Variants in FGF14 observed in about 807,000 individuals in gnomAD.
FGF14 encodes fibroblast growth factor homologous factor 4.
FGF14 carries 5 observed loss-of-function variants against 25.5 expected under a neutral mutation model. That is an observed-to-expected ratio of 0.20 (90% CI 0.10 to 0.41). The LOEUF (loss-of-function observed/expected upper bound fraction) is 0.41. Among genes scored for constraint, FGF14 ranks in the 10% least tolerant of loss-of-function variants. The pLI is 1.00. For synonymous variants in FGF14, 138 were observed against 118.3 expected (o/e 1.17, Z -1.08); for missense variants, 222 against 320.1 (o/e 0.69, Z 2.34).
intron 3 of FGF14, among the ~76,000 whole-genome samples, chr13:101,760,286 C>G (rs2037932296): frequency 6.6e-6 from 1 of 152,182 alleles, no homozygotes; most frequent in East Asian, 1.9e-4. Flanking sequence ...GGGGCTTACT[C>G]TACGTTCACT....
intron 3 of FGF14, among the ~76,000 whole-genome samples, chr13:101,788,895 TATATATATATATATAGAGAGAG>T (rs1302217083): frequency 1.8e-4 from 9 of 49,016 alleles, no homozygotes; most frequent in African/African-American, 4.8e-4. Flanking sequence ...TATATATATA[TATATATATATATATAGAGAGAG>T]AGAGAGAGAG....
intron 1 of FGF14, among the ~76,000 whole-genome samples, chr13:101,926,319 C>T (rs927473518): frequency 3.3e-5 from 5 of 152,150 alleles, no homozygotes; most frequent in African/African-American, 4.8e-5. Flanking sequence ...CGGTTTCCTA[C>T]CAACATAATT....
At chr13:101,929,487 G>C (rs534832478) in intron 1 of FGF14, among the ~76,000 whole-genome samples, 1 of 152,252 alleles carries the variant, frequency 6.6e-6, no homozygotes, top group African/African-American at 2.4e-5. Flanking sequence ...TATGTCACTG[G>C]GGACATTCAC....
chr13:101,933,838 C>A (rs1225068105), intron 1 of FGF14, among the ~76,000 whole-genome samples: 1 of 151,572 alleles, frequency 6.6e-6, no homozygotes, highest in African/African-American at 2.4e-5. Context: ...AAATATTACT[C>A]TAAATATTAT....
intron 3 of FGF14, among the ~76,000 whole-genome samples, chr13:101,788,999 T>C (rs965847042): frequency 6.8e-6 from 1 of 146,118 alleles, no homozygotes; most frequent in Non-Finnish European, 1.5e-5. Context: ...CTATACTCTG[T>C]ACATTTATTA....
chr13:101,826,264 C>A (rs2042389416), intron 3 of FGF14, among the ~76,000 whole-genome samples: 1 of 152,060 alleles, frequency 6.6e-6, no homozygotes, highest in Non-Finnish European at 1.5e-5. Flanking sequence ...CTCCCCCCGT[C>A]CCCGATACAC....
At position 101,916,745 on chromosome 13, in the gene FGF14, G is replaced by A. The variant is rs926820086; in HGVS notation, c.-100C>T. ...GCGGCGCAGACCGTGGCTCGCCCTC[G>A]GGGCAGAGGAGGGGGTGCCAGGCGG... is the stretch of plus-strand genomic sequence containing the variant. On this transcript the variant is annotated 5_prime_UTR_variant, in exon 1 of 5. Coordinates refer to ENST00000376143, the MANE Select transcript of FGF14 (RefSeq NM_004115.4). 2.8e-6 allele frequency: 3 copies of A among 1,083,552 alleles called. No individual in the cohort carries two copies. Among genetic ancestry groups the A allele is most frequent in the Non-Finnish European group, 3.8e-6 (3 of 780,770 alleles). The allele number at this position is 1,083,552 out of a possible 1,614,324, so 67.1% of individuals were successfully genotyped here.
At position 101,717,606 on chromosome 13, in the gene FGF14, C is replaced by G. The variant is rs1288578913; in HGVS notation, c.*5225G>C. On this transcript the variant is annotated 3_prime_UTR_variant, in exon 5 of 5. Coordinates refer to ENST00000376143, the MANE Select transcript of FGF14 (RefSeq NM_004115.4). ...ATTTCTCTATCACGGCGCTTATCCT[C>G]CTATTAAGGATCAGAAAGTTAAACT... is the stretch of plus-strand genomic sequence containing the variant. 6.6e-6 allele frequency: 1 copy of G among 152,126 alleles called. No individual in the cohort carries two copies. Among genetic ancestry groups the G allele is most frequent in the African/African-American group, 2.4e-5 (1 of 41,430 alleles). 9.4% of individuals were successfully genotyped at this position (152,126 alleles called of 1,614,324 possible). A position where few individuals can be genotyped will look rare whatever the true frequency, so the allele number is the denominator to read the frequency against.
At chr13:101,812,797 G>A (rs146809093) in intron 3 of FGF14, among the ~76,000 whole-genome samples, 7,772 of 149,696 alleles carry the variant, frequency 0.052, 311 homozygotes, top group East Asian at 0.16. Flanking sequence ...CTCCTGAGTA[G>A]CTGGGATTAC....
chr13:101,892,148 A>G (rs2029870012), intron 1 of FGF14, among the ~76,000 whole-genome samples: 1 of 152,170 alleles, frequency 6.6e-6, no homozygotes, highest in African/African-American at 2.4e-5. Context: ...ACACAACACA[A>G]TCCAAAGATG....
intron 1 of FGF14, among the ~76,000 whole-genome samples, chr13:102,109,515 T>C (rs2045108999): frequency 1.3e-5 from 2 of 152,214 alleles, no homozygotes; most frequent in African/African-American, 4.8e-5. Context: ...CCATGTTGTA[T>C]ACCATAAATA....
At chr13:101,847,584 T>G (rs1484567742) in intron 3 of FGF14, among the ~76,000 whole-genome samples, 2 of 152,096 alleles carry the variant, frequency 1.3e-5, no homozygotes, top group Admixed American at 1.3e-4. Flanking sequence ...ATTAGCCAAG[T>G]ATTGGGGTGA....
At chr13:101,979,483 A>G (rs2038121867) in intron 1 of FGF14, among the ~76,000 whole-genome samples, 1 of 152,152 alleles carries the variant, frequency 6.6e-6, no homozygotes, top group Non-Finnish European at 1.5e-5. Context: ...CAGAAGAGAA[A>G]ACCGAGGAAC....
intron 1 of FGF14, among the ~76,000 whole-genome samples, chr13:102,013,933 C>G (rs2040209616): frequency 6.6e-6 from 1 of 152,104 alleles, no homozygotes; most frequent in African/African-American, 2.4e-5. Context: ...ATAGAAAGAG[C>G]ACAAAGGAGG....
In FGF14 at chr13:101,721,339, T is replaced by TCAAA. The variant is rs565918763; in HGVS notation, c.*1488_*1491dup. On this transcript the variant is annotated 3_prime_UTR_variant, in exon 5 of 5. Transcript: ENST00000376143. ...TTCTTGGTAGTTGTCTTCCCTAAGC[T>TCAAA]CAAACAAACAGTGTTAAACTAAAAA... 1.2e-3 allele frequency: 176 copies of TCAAA among 152,014 alleles called. No individual in the cohort carries two copies. The highest frequency in any genetic ancestry group is 3.7e-3 in the African/African-American group (152 of 41,462). The allele number at this position is 152,014 out of a possible 1,614,324, so 9.4% of individuals were successfully genotyped here.
At chr13:101,796,099 T>C (rs769184343) in intron 3 of FGF14, among the ~76,000 whole-genome samples, 12 of 152,122 alleles carry the variant, frequency 7.9e-5, no homozygotes, top group Admixed American at 2.6e-4. Context: ...AAATAACCTA[T>C]AATATTTTTA....
chr13:101,966,521 C>A (rs189728187), intron 1 of FGF14, among the ~76,000 whole-genome samples: 2 of 152,004 alleles, frequency 1.3e-5, no homozygotes, highest in East Asian at 3.9e-4. Context: ...CTCGCTCTGT[C>A]GCCCAGGCTG....
chr13:102,186,557 AAAGT>A (rs2048882488), intron 1 of FGF14, among the ~76,000 whole-genome samples: 1 of 152,210 alleles, frequency 6.6e-6, no homozygotes, highest in African/African-American at 2.4e-5. Context: ...TATTTCACTG[AAAGT>A]AAGTTATAAT....
chr13:102,298,047 T>C (rs918219884), intron 1 of FGF14, among the ~76,000 whole-genome samples: 1 of 152,026 alleles, frequency 6.6e-6, no homozygotes, highest in Admixed American at 6.6e-5. Context: ...ACAAGTATAA[T>C]TGCAAAAGAC....
Sources: gnomAD v4.1 joint callset for allele counts (sites outside exome capture counted in the v4.1 genomes callset) on GRCh38, gnomAD v4.1.1 for gene constraint, MANE v1.5 for transcripts, NCBI Gene and HGNC (gene_info 2026-07-23, HGNC 2026-07-21) for gene names.